The following ADAM9 variants were observed in gnomAD, a reference collection of about 807,000 sequenced individuals.
ADAM9 encodes ADAM metallopeptidase domain 9, also known as disintegrin and metalloproteinase domain-containing protein 9.
Under a neutral mutation model 108.1 loss-of-function variants are expected in ADAM9, and 54 were observed. The ratio of observed to expected loss-of-function variants is 0.50; its 90% confidence interval spans 0.40 to 0.63. ADAM9 has a LOEUF of 0.63. Ranked by LOEUF, ADAM9 falls within the 20% of genes least tolerant of loss-of-function variation. ADAM9 has a pLI of 0.00. For synonymous variants in ADAM9, 316 were observed against 336.0 expected (o/e 0.94, Z 0.65); for missense variants, 830 against 997.7 (o/e 0.83, Z 2.26).
In ADAM9 at chr8:39,091,243, T is replaced by C. The variant is rs1027090522; in HGVS notation, c.2211-16T>C. 1.3e-5 allele frequency: 21 copies of C among 1,608,632 alleles called. No individual in the cohort carries two copies. Among genetic ancestry groups the C allele is most frequent in the Non-Finnish European group, 1.7e-5 (20 of 1,175,210 alleles). ...TTTTTATCTTAATTTAGATCAAAAG[T>C]AATTGTATCTTTCAGGTCAGATGGC... On this transcript the variant is annotated splice_polypyrimidine_tract_variant and intron_variant, in intron 19 of 21. Transcript: ENST00000487273.
At chr8:39,019,200 C>T (rs1280012794) in intron 7 of ADAM9, among the ~76,000 whole-genome samples, 1 of 152,016 alleles carries the variant, frequency 6.6e-6, no homozygotes, top group Non-Finnish European at 1.5e-5. Flanking sequence ...TGAATCTGTA[C>T]TGCCTATCAG....
rs565302285 is a variant in ADAM9 at position 39,041,777 on chromosome 8, A to G, written c.1131-169A>G. Among the ~76,000 whole-genome samples, 20 of 152,330 alleles carry G rather than the reference A, an allele frequency of 1.3e-4. No individual in the cohort carries two copies. The Middle Eastern group carries it at 0.017, about 130-fold the overall frequency. On this transcript the variant is annotated intron_variant, in intron 11 of 21. Coordinates refer to ENST00000487273, the MANE Select transcript of ADAM9 (RefSeq NM_003816.3). The stretch of plus-strand genomic sequence containing the variant: ...GAATTATTATATAGTAGCTGAAGTA[A>G]TGTTCAATATTTATCACAAGTAGAT...
chr8:39,008,119 C>T lies in ADAM9; in HGVS notation c.195+136C>T, dbSNP rs182589184. On this transcript the variant is annotated intron_variant, in intron 2 of 21. Coordinates refer to ENST00000487273, the MANE Select transcript of ADAM9 (RefSeq NM_003816.3). ...TTACTTAGAATAGCACCATATGGTA[C>T]TGATGTCCCCTGGATGTTATGCTAG... The T allele has an allele frequency of 1.3e-4, 86 of 662,414 alleles. 2 individuals carry two copies. Among genetic ancestry groups the T allele is most frequent in the South Asian group, 1.3e-3 (74 of 57,316 alleles). 41.0% of individuals were successfully genotyped at this position (662,414 alleles called of 1,614,324 possible).
chr8:39,017,572 A>T (rs1836580350), intron 6 of ADAM9, among the ~76,000 whole-genome samples, 158 bp downstream of exon 6: 1 of 152,140 alleles, frequency 6.6e-6, no homozygotes, highest in Non-Finnish European at 1.5e-5. Flanking sequence ...GGATGAAAAG[A>T]TGAGCGATAT....
intron 12 of ADAM9, among the ~76,000 whole-genome samples, chr8:39,044,351 T>G (rs1837545444): frequency 6.6e-6 from 1 of 152,206 alleles, no homozygotes; most frequent in African/African-American, 2.4e-5. Flanking sequence ...CTTTTCACCA[T>G]TCTTTTTCTT....
At chr8:39,056,812 G>A (rs1195243728) in intron 14 of ADAM9, among the ~76,000 whole-genome samples, 6 of 152,090 alleles carry the variant, frequency 3.9e-5, no homozygotes, top group African/African-American at 9.7e-5. Context: ...GTTCAAATAA[G>A]TCTGAACAGA....
At chr8:39,019,737 A>G (rs1836671881) in intron 7 of ADAM9, among the ~76,000 whole-genome samples, 1 of 152,216 alleles carries the variant, frequency 6.6e-6, no homozygotes, top group Non-Finnish European at 1.5e-5. Context: ...CTGTAGAGAC[A>G]GTTTTGAGGT....
At chr8:39,043,472 C>T (rs1837516816) in intron 12 of ADAM9, among the ~76,000 whole-genome samples, 1 of 152,110 alleles carries the variant, frequency 6.6e-6, no homozygotes, top group Admixed American at 6.6e-5. Context: ...GCAATCCTAA[C>T]AGGTATGAAA....
At chr8:39,082,918 A>G (rs1001289299) in intron 17 of ADAM9, 50 bp from the exon 18 acceptor site, 1 of 1,506,334 alleles carries the variant, frequency 6.6e-7, no homozygotes, top group Admixed American at 1.7e-5. Context: ...AGTTGATGAT[A>G]TAGAGCAACA....
chr8:39,020,175 C>T (rs1353409614), intron 7 of ADAM9, among the ~76,000 whole-genome samples: 2 of 152,124 alleles, frequency 1.3e-5, no homozygotes, highest in African/African-American at 4.8e-5. Flanking sequence ...ATCCCAGAAC[C>T]CGGGAGGCGG....
chr8:39,045,359 TA>T (rs1454617909), intron 12 of ADAM9, among the ~76,000 whole-genome samples: 1 of 105,054 alleles, frequency 9.5e-6, no homozygotes, highest in African/African-American at 3.6e-5. Context: ...TGTACATACA[TA>T]TAGGTGTGTG....
intron 3 of ADAM9, 129 bp downstream of exon 3, chr8:39,011,845 G>A (rs1403461209): frequency 3.6e-6 from 3 of 844,530 alleles, no homozygotes; most frequent in African/African-American, 1.7e-5. Flanking sequence ...CTTCATATTG[G>A]TGCTGCACAG....
intron 12 of ADAM9, among the ~76,000 whole-genome samples, chr8:39,050,845 T>G (rs1345339001): frequency 2.0e-5 from 3 of 150,536 alleles, no homozygotes; most frequent in Non-Finnish European, 4.4e-5. Context: ...TTTTTTTTTT[T>G]TTTTTTTTTT....
At chr8:39,051,162 G>A (rs1369505167) in intron 12 of ADAM9, among the ~76,000 whole-genome samples, 1 of 152,154 alleles carries the variant, frequency 6.6e-6, no homozygotes, top group African/African-American at 2.4e-5. Flanking sequence ...TGTTGTCAGA[G>A]GCAGATGAGA....
Position 39,021,803 on chromosome 8 carries a change from G to C in ADAM9, c.744+89G>C, listed in dbSNP as rs980281612. 37 of 1,150,978 alleles carry C rather than the reference G, an allele frequency of 3.2e-5. 1 individual carries two copies. The Middle Eastern group carries it at 1.2e-3, about 37-fold the overall frequency. 71.3% of individuals were successfully genotyped at this position (1,150,978 alleles called of 1,614,324 possible). A position where few individuals can be genotyped will look rare whatever the true frequency, so the allele number is the denominator to read the frequency against. On this transcript the variant is annotated intron_variant, in intron 8 of 21. Transcript: ENST00000487273. ...TTAAAAATGTCTCATTTTGAGTTCT[G>C]ATTTTCATAGGGCCTCAATGACTTA...
At chr8:39,077,767 C>T (rs1838893610) in intron 16 of ADAM9, among the ~76,000 whole-genome samples, 1 of 152,158 alleles carries the variant, frequency 6.6e-6, no homozygotes, top group Non-Finnish European at 1.5e-5. Context: ...TTGTCCTGCC[C>T]ATGTTCCTGA....
At chr8:39,048,998 G>GTTTT (rs34077661) in intron 12 of ADAM9, among the ~76,000 whole-genome samples, 1 of 121,470 alleles carries the variant, frequency 8.2e-6, no homozygotes. Flanking sequence ...ATAGCATATA[G>GTTTT]TTTTTTTTTT....
At chr8:39,064,855 G>T (rs530178927) in intron 14 of ADAM9, among the ~76,000 whole-genome samples, 3 of 152,262 alleles carry the variant, frequency 2.0e-5, no homozygotes, top group Admixed American at 2.0e-4. Context: ...AGTTTTGAAG[G>T]CATTGCTTTA....
At chr8:39,069,602 A>G (rs1288070356) in intron 14 of ADAM9, among the ~76,000 whole-genome samples, 2 of 152,194 alleles carry the variant, frequency 1.3e-5, no homozygotes, top group Admixed American at 6.5e-5. Context: ...AGAGAGCTAA[A>G]TGGTTTGCCT....
Sources: gnomAD v4.1 joint callset for allele counts (sites outside exome capture counted in the v4.1 genomes callset) on GRCh38, gnomAD v4.1.1 for gene constraint, MANE v1.5 for transcripts, NCBI Gene and HGNC (gene_info 2026-07-23, HGNC 2026-07-21) for gene names.